Variants in ADGRA3 observed in about 807,000 individuals in gnomAD.
ADGRA3 encodes the protein G-protein coupled receptor 125.
Under a neutral mutation model 119.8 loss-of-function variants are expected in ADGRA3, and 56 were observed. That is an observed-to-expected ratio of 0.47 (90% CI 0.38 to 0.58). ADGRA3 has a LOEUF of 0.58. Ranked by LOEUF, ADGRA3 falls within the 20% of genes least tolerant of loss-of-function variation. The pLI, the probability that ADGRA3 is intolerant of heterozygous loss-of-function variation, is 0.00. For synonymous variants in ADGRA3, 607 were observed against 623.8 expected (o/e 0.97, Z 0.40); for missense variants, 1,516 against 1,649.0 (o/e 0.92, Z 1.40).
At position 22,465,061 on chromosome 4, in the gene ADGRA3, G is replaced by A. The variant is rs1717607135; in HGVS notation, c.330-3253C>T. Among the ~76,000 whole-genome samples, 4 of 152,232 alleles carry A rather than the reference G, an allele frequency of 2.6e-5. No individual in the cohort carries two copies. The South Asian group carries it at 8.3e-4, about 31-fold the overall frequency. The stretch of plus-strand genomic sequence containing the variant: ...CCATTCTGAGGACAAATAGTGAAAG[G>A]TGTAGACCAGAAGCCATTCAAAAAT... On this transcript the variant is annotated intron_variant, in intron 2 of 18. Transcript: ENST00000334304.
chr4:22,454,777 T>G (rs1717182313), intron 4 of ADGRA3, 89 bp downstream of exon 4: 1 of 965,590 alleles, frequency 1.0e-6, no homozygotes, highest in African/African-American at 1.6e-5. Flanking sequence ...CAGTTGCTAC[T>G]TATAATTAAA....
chr4:22,424,132 G>A, intron 11 of ADGRA3, 59 bp downstream of exon 11: 5 of 1,475,312 alleles, frequency 3.4e-6, no homozygotes, highest in African/African-American at 2.7e-5. Context: ...TCTCTTTCGG[G>A]TGAGAGCTGT....
intron 14 of ADGRA3, among the ~76,000 whole-genome samples, chr4:22,409,083 C>A (rs1042063404): frequency 6.6e-5 from 10 of 152,250 alleles, no homozygotes; most frequent in African/African-American, 1.9e-4. Context: ...AAGGGTGGTT[C>A]CTGGAGATGG....
rs749141341 is a variant in ADGRA3 at position 22,387,980 on chromosome 4, G to C, written c.3691C>G (p.Gln1231Glu). ...RRAYLAYRER[Q>E]YNPPQQDSSD... ...CTGTCTTGCTGGGGTGGGTTGTACT[G>C]TCTCTCTCTGTAGGCTAAATAAGCT... Residue 1231 changes from glutamine (Q) to glutamate (E), a missense_variant, in exon 19 of 19, where the codon CAG (glutamine) becomes GAG (glutamate). Gln to Glu is a conservative substitution (Grantham distance 29). Transcript: ENST00000334304. 2.3e-5 allele frequency: 37 copies of C among 1,614,176 alleles called. No homozygotes were observed. The highest frequency in any genetic ancestry group is 3.1e-5 in the Non-Finnish European group (37 of 1,180,012).
At chr4:22,436,368 A>T (rs186692493) in intron 9 of ADGRA3, 72 bp downstream of exon 9, 1 of 1,232,550 alleles carries the variant, frequency 8.1e-7, no homozygotes, top group Non-Finnish European at 1.1e-6. Flanking sequence ...AAAAAAAAAA[A>T]AAACTTATGT....
intron 1 of ADGRA3, among the ~76,000 whole-genome samples, chr4:22,476,919 G>A (rs7686379): frequency 3.3e-5 from 5 of 151,892 alleles, no homozygotes; most frequent in East Asian, 1.9e-4. Context: ...CGCCCACCTC[G>A]GCCTCCCAAA....
At position 22,436,447 on chromosome 4, in the gene ADGRA3, A is replaced by C; in HGVS notation, c.1280T>G (p.Phe427Cys). The change falls in exon 9 of 19, where the codon TTT (phenylalanine) becomes TGT (cysteine). Residue 427 changes from phenylalanine (F) to cysteine (C), a missense_variant. Coordinates refer to ENST00000334304, the MANE Select transcript of ADGRA3 (RefSeq NM_145290.4). Reference protein sequence around the residue: ...ANDVTRVLYMFNQMPLNLTNA... With the variant: ...ANDVTRVLYMCNQMPLNLTNA... ...TGAAGACTTTCTAGTTACCTGATTA[A>C]ACATATAAAGAACTCTAGTGACATC... The C allele has an allele frequency of 1.2e-6, 2 of 1,611,352 alleles. No individual in the cohort carries two copies. Among genetic ancestry groups the C allele is most frequent in the Non-Finnish European group, 1.7e-6 (2 of 1,179,280 alleles).
intron 1 of ADGRA3, among the ~76,000 whole-genome samples, chr4:22,498,688 G>A (rs1718937611): frequency 6.6e-6 from 1 of 151,956 alleles, no homozygotes; most frequent in Non-Finnish European, 1.5e-5. Context: ...GGCCAAGGTG[G>A]GCGGATCACA....
chr4:22,504,316 A>G (rs1719160963), intron 1 of ADGRA3, among the ~76,000 whole-genome samples: 1 of 152,194 alleles, frequency 6.6e-6, no homozygotes, highest in Non-Finnish European at 1.5e-5. Context: ...ATCTGAAATG[A>G]TGAGGCGCTA....
chr4:22,455,749 C>A (rs1717213887), intron 3 of ADGRA3: 1 of 1,092,396 alleles, frequency 9.2e-7, no homozygotes, highest in African/African-American at 1.6e-5. Flanking sequence ...GACACCTGCA[C>A]TGGTTTAAAA....
intron 1 of ADGRA3, among the ~76,000 whole-genome samples, chr4:22,495,298 G>T (rs570242975): frequency 7.9e-5 from 12 of 152,018 alleles, no homozygotes; most frequent in Non-Finnish European, 1.5e-4. Flanking sequence ...TTATGGCTGC[G>T]CACAGTGGCG....
intron 1 of ADGRA3, among the ~76,000 whole-genome samples, chr4:22,498,930 A>C (rs115295589): frequency 0.026 from 3,916 of 152,120 alleles, 91 homozygotes; most frequent in Non-Finnish European, 0.038. Flanking sequence ...AAACAAAAAA[A>C]ACAAAAAAAC....
rs760095034 is a variant in ADGRA3, at chr4:22,413,402, G to A, written c.2024-12C>T. On this transcript the variant is annotated splice_polypyrimidine_tract_variant and intron_variant, in intron 13 of 18. Transcript: ENST00000334304. ...TACATTCACACCATCTGGAGAAAAT[G>A]GGAAATAAAAATATTTCTGAAACAA... 6.2e-7 allele frequency: 1 copy of A among 1,606,018 alleles called. No homozygotes were observed. The highest frequency in any genetic ancestry group is 8.5e-7 in the Non-Finnish European group (1 of 1,172,810).
intron 16 of ADGRA3, chr4:22,392,995 A>C: frequency 4.2e-6 from 1 of 239,374 alleles, no homozygotes; most frequent in Non-Finnish European, 7.9e-6. Context: ...TGTGTTTTTC[A>C]TAGATGTGAC....
chr4:22,404,803 T>C (rs1188188288), intron 14 of ADGRA3, among the ~76,000 whole-genome samples: 2 of 152,142 alleles, frequency 1.3e-5, no homozygotes, highest in African/African-American at 2.4e-5. Flanking sequence ...AGAATATTAG[T>C]AGGGAAATTC....
At chr4:22,420,415 A>C in intron 12 of ADGRA3, 1 of 159,884 alleles carries the variant, frequency 6.3e-6, no homozygotes, top group Non-Finnish European at 1.4e-5. Flanking sequence ...GTTTTCTGCC[A>C]AAAATTTTGA....
At chr4:22,425,469 T>A (rs1321800319) in intron 10 of ADGRA3, among the ~76,000 whole-genome samples, 1 of 152,188 alleles carries the variant, frequency 6.6e-6, no homozygotes, top group Non-Finnish European at 1.5e-5. Context: ...TTGAACCGTC[T>A]AGGGCTAATG....
At chr4:22,412,474 A>T (rs1715246296) in intron 14 of ADGRA3, among the ~76,000 whole-genome samples, 1 of 152,196 alleles carries the variant, frequency 6.6e-6, no homozygotes, top group South Asian at 2.1e-4. Context: ...AACTTTTCAA[A>T]GAAAATGCTC....
chr4:22,477,863 C>T (rs1226511922), intron 1 of ADGRA3, among the ~76,000 whole-genome samples: 3 of 152,278 alleles, frequency 2.0e-5, no homozygotes, highest in Admixed American at 2.0e-4. Flanking sequence ...ATGAATAAAT[C>T]TACTCTGCAG....
Sources: allele counts gnomAD v4.1 joint callset (sites outside exome capture counted in the v4.1 genomes callset), GRCh38; gene constraint gnomAD v4.1.1; transcripts MANE v1.5; gene names NCBI Gene and HGNC (gene_info 2026-07-23, HGNC 2026-07-21).